The following RBFOX1 variants were observed in gnomAD, a reference collection of about 807,000 sequenced individuals.
The protein encoded by RBFOX1 is RNA binding fox-1 homolog 1.
Under a neutral mutation model 57.7 loss-of-function variants are expected in RBFOX1, and 8 were observed. The observed-to-expected ratio is 0.14, with a 90% confidence interval of 0.08 to 0.25. The LOEUF (loss-of-function observed/expected upper bound fraction) is 0.25, where lower values mean the gene tolerates loss of function less well. Ranked by LOEUF, RBFOX1 falls within the 10% of genes least tolerant of loss-of-function variation. The pLI is 1.00. For missense variants in RBFOX1, 611 were observed against 548.5 expected (o/e 1.11, Z -1.14); for synonymous variants, 326 against 222.4 (o/e 1.47, Z -4.15).
intron 2 of RBFOX1, among the ~76,000 whole-genome samples, chr16:6,318,906 C>A (rs1001102930): frequency 1.3e-5 from 2 of 151,644 alleles, no homozygotes; most frequent in African/African-American, 2.4e-5. Flanking sequence ...TAGTAGGTTT[C>A]CATCCTGTCC....
chr16:5,584,820 G>C (rs1422916843), intron 2 of RBFOX1, among the ~76,000 whole-genome samples: 1 of 152,178 alleles, frequency 6.6e-6, no homozygotes. Context: ...TGCTGATACA[G>C]ACCCTATTAA....
intron 2 of RBFOX1, among the ~76,000 whole-genome samples, chr16:6,446,545 C>T (rs1204345337): frequency 6.6e-6 from 1 of 152,002 alleles, no homozygotes; most frequent in Admixed American, 6.6e-5. Context: ...CTTCTGTATT[C>T]AAGTGATGAA....
chr16:7,560,126 A>G (rs2089956458), intron 5 of RBFOX1, among the ~76,000 whole-genome samples: 1 of 152,348 alleles, frequency 6.6e-6, no homozygotes, highest in Admixed American at 6.5e-5. Context: ...AGCAGGCTGT[A>G]CCTGGAGAAA....
chr16:6,156,734 C>T (rs752347471), intron 1 of RBFOX1, among the ~76,000 whole-genome samples: 1 of 152,160 alleles, frequency 6.6e-6, no homozygotes, highest in Non-Finnish European at 1.5e-5. Context: ...ATGGGTGAAA[C>T]CAGAGACGTG....
intron 3 of RBFOX1, among the ~76,000 whole-genome samples, chr16:5,648,913 A>G (rs1783452699): frequency 6.6e-6 from 1 of 151,862 alleles, no homozygotes; most frequent in Non-Finnish European, 1.5e-5. Flanking sequence ...AAAATACAAA[A>G]ATTAGCCGGG....
intron 3 of RBFOX1, among the ~76,000 whole-genome samples, chr16:5,676,405 C>T (rs2050170428): frequency 6.6e-6 from 1 of 152,104 alleles, no homozygotes; most frequent in African/African-American, 2.4e-5. Flanking sequence ...TATTACATAT[C>T]ATTTAGGAAG....
At chr16:7,206,978 C>G (rs1259518045) in intron 4 of RBFOX1, among the ~76,000 whole-genome samples, 1 of 152,118 alleles carries the variant, frequency 6.6e-6, no homozygotes, top group African/African-American at 2.4e-5. Flanking sequence ...GCTTCATGGC[C>G]TTTTGCAGCC....
intron 3 of RBFOX1, among the ~76,000 whole-genome samples, chr16:5,670,094 C>G (rs1208152049): frequency 6.6e-6 from 1 of 152,086 alleles, no homozygotes; most frequent in Non-Finnish European, 1.5e-5. Flanking sequence ...AGGTCACAGA[C>G]CTTAGGATTC....
At chr16:7,413,201 C>T (rs935919155) in intron 4 of RBFOX1, among the ~76,000 whole-genome samples, 2 of 152,122 alleles carry the variant, frequency 1.3e-5, no homozygotes, top group Non-Finnish European at 2.9e-5. Flanking sequence ...TCCCAGGACA[C>T]ACCATTGAGA....
Position 6,953,425 on chromosome 16 carries a change from C to T in RBFOX1, c.-15-98632C>T, listed in dbSNP as rs537682412. On this transcript the variant is annotated intron_variant, in intron 3 of 15. Coordinates refer to ENST00000550418, the MANE Select transcript of RBFOX1 (RefSeq NM_018723.4). ...TTTTTGAGATAGAGTCTTGCTTTGTCGCCAATGCTGGGTACAGTGGTGCAG... is the reference window on the plus strand; with the variant it reads ...TTTTTGAGATAGAGTCTTGCTTTGTTGCCAATGCTGGGTACAGTGGTGCAG... Among the ~76,000 whole-genome samples, 150 of 151,710 alleles carry T rather than the reference C, an allele frequency of 9.9e-4. 3 individuals are homozygous for T. The highest frequency in any genetic ancestry group is 3.2e-3 in the African/African-American group (133 of 41,396).
chr16:5,391,456 A>G (rs2151420016), intron 1 of RBFOX1, among the ~76,000 whole-genome samples: 1 of 152,196 alleles, frequency 6.6e-6, no homozygotes, highest in South Asian at 2.1e-4. Flanking sequence ...CACACTCCAC[A>G]TGTAAGGTCC....
At chr16:7,153,323 C>G (rs759976973) in intron 4 of RBFOX1, among the ~76,000 whole-genome samples, 1 of 152,086 alleles carries the variant, frequency 6.6e-6, no homozygotes, top group Non-Finnish European at 1.5e-5. Flanking sequence ...ATTTGATAAA[C>G]ATGATCTGAT....
intron 3 of RBFOX1, among the ~76,000 whole-genome samples, chr16:6,865,535 G>T (rs959315645): frequency 6.6e-6 from 1 of 152,000 alleles, no homozygotes; most frequent in African/African-American, 2.4e-5. Flanking sequence ...CTATGCTGCA[G>T]GAATTGTATC....
chr16:7,262,616 G>C (rs1394025820), intron 4 of RBFOX1, among the ~76,000 whole-genome samples: 4 of 152,224 alleles, frequency 2.6e-5, no homozygotes, highest in Non-Finnish European at 4.4e-5. Flanking sequence ...TGCAGTCTCT[G>C]GCTCATCTCT....
At chr16:7,212,816 A>G (rs1892473327) in intron 4 of RBFOX1, among the ~76,000 whole-genome samples, 2 of 152,232 alleles carry the variant, frequency 1.3e-5, no homozygotes, top group Non-Finnish European at 2.9e-5. Flanking sequence ...CTGCACATGT[A>G]TCCCAGAACT....
At chr16:7,113,485 T>C (rs2065226565) in intron 4 of RBFOX1, among the ~76,000 whole-genome samples, 1 of 152,214 alleles carries the variant, frequency 6.6e-6, no homozygotes, top group African/African-American at 2.4e-5. Flanking sequence ...GTTATGTATT[T>C]GGTTGAATCA....
intron 4 of RBFOX1, among the ~76,000 whole-genome samples, chr16:7,230,940 G>A (rs911846589): frequency 2.0e-5 from 3 of 152,090 alleles, no homozygotes; most frequent in Non-Finnish European, 4.4e-5. Flanking sequence ...ACCTTCTGAT[G>A]TTAGGTAACC....
chr16:6,982,762 G>A (rs961074188), intron 3 of RBFOX1, among the ~76,000 whole-genome samples: 7 of 152,166 alleles, frequency 4.6e-5, no homozygotes, highest in African/African-American at 1.7e-4. Context: ...GGAGGTCGAG[G>A]CAGGTGGATC....
intron 4 of RBFOX1, among the ~76,000 whole-genome samples, chr16:7,208,216 C>T (rs190559411): frequency 2.0e-5 from 3 of 152,284 alleles, no homozygotes; most frequent in Admixed American, 2.0e-4. Flanking sequence ...CATCTATAAT[C>T]GGCCAGATTG....
Sources: allele counts gnomAD v4.1 joint callset (sites outside exome capture counted in the v4.1 genomes callset), GRCh38; gene constraint gnomAD v4.1.1; transcripts MANE v1.5; gene names NCBI Gene and HGNC (gene_info 2026-07-23, HGNC 2026-07-21).